ARHGAP31: variants seen among roughly 807,000 people sequenced by gnomAD.
ARHGAP31 encodes the protein Rho GTPase activating protein 31, also known as rho GTPase-activating protein 31.
ARHGAP31 carries 34 observed loss-of-function variants against 113.9 expected under a neutral mutation model. The observed-to-expected ratio is 0.30, with a 90% confidence interval of 0.23 to 0.40. The LOEUF is 0.40. Among genes scored for constraint, ARHGAP31 ranks in the 10% least tolerant of loss-of-function variants. ARHGAP31 has a pLI of 1.00. For synonymous variants in ARHGAP31, 650 were observed against 684.8 expected, an observed-to-expected ratio of 0.95 and a Z score of 0.79; for missense variants, 1,548 against 1,767.1, an observed-to-expected ratio of 0.88 and a Z score of 2.22.
intron 10 of ARHGAP31, among the ~76,000 whole-genome samples, chr3:119,408,985 T>A (rs2080690203): frequency 6.6e-6 from 1 of 152,156 alleles, no homozygotes; most frequent in African/African-American, 2.4e-5. Flanking sequence ...CTAGATAGAC[T>A]TCTCGAAGTC....
In ARHGAP31 at chr3:119,417,871, C is replaced by T. The variant is rs2080791982; in HGVS notation, c.*1607C>T. On this transcript the variant is annotated 3_prime_UTR_variant, in exon 12 of 12. Coordinates refer to ENST00000264245, the MANE Select transcript of ARHGAP31 (RefSeq NM_020754.4). ...AGCCTGGCTGAATTCTGCCCAGAAG[C>T]TCAGTCATTGCAGAAATTTCTCTAA... is the stretch of plus-strand genomic sequence containing the variant. The T allele has an allele frequency of 6.6e-6, 1 of 152,104 alleles. No homozygotes were observed. The highest frequency in any genetic ancestry group is 2.1e-4 in the South Asian group (1 of 4,828). 9.4% of individuals were successfully genotyped at this position (152,104 alleles called of 1,614,324 possible). A position where few individuals can be genotyped will look rare whatever the true frequency, so the allele number is the denominator to read the frequency against.
chr3:119,338,250 T>C (rs1392827377), intron 1 of ARHGAP31, among the ~76,000 whole-genome samples: 1 of 152,204 alleles, frequency 6.6e-6, no homozygotes, highest in East Asian at 1.9e-4. Context: ...GGGTGTTACA[T>C]GGATGTTACT....
intron 10 of ARHGAP31, among the ~76,000 whole-genome samples, chr3:119,404,101 G>A (rs2080639558): frequency 6.6e-6 from 1 of 152,158 alleles, no homozygotes; most frequent in Admixed American, 6.5e-5. Context: ...ATGGGCTGGT[G>A]TGGGTCATGG....
In ARHGAP31 at chr3:119,361,998, C is replaced by T. The variant is rs187712385; in HGVS notation, c.101-3318C>T. Among the ~76,000 whole-genome samples the T allele has an allele frequency of 2.0e-5, 3 of 152,320 alleles. No individual in the cohort carries two copies. In the East Asian group the frequency reaches 5.8e-4, roughly 29 times the overall value. On this transcript the variant is annotated intron_variant, in intron 1 of 11. Transcript: ENST00000264245. ...AGGTTCTAAGGCCTTTGTACCAAAG[C>T]CAGAATAAATTTATGGCAGAGGCTC...
Position 119,380,906 on chromosome 3 carries a change from G to C in ARHGAP31, c.351G>C (p.Glu117Asp). The C allele has an allele frequency of 6.2e-7, 1 of 1,614,072 alleles. No homozygotes were observed. The highest frequency in any genetic ancestry group is 8.5e-7 in the Non-Finnish European group (1 of 1,179,944). ...LTYELYEKFTEAVSHCPEEGQ... is the reference protein window; with the variant it reads ...LTYELYEKFTDAVSHCPEEGQ... ...CTGCCTTGTGTTCTTCTCCACAGGA[G>C]GCAGTGTCGCATTGCCCTGAAGAAG... The change falls in exon 4 of 12, where the codon GAG (glutamate) becomes GAC (aspartate). Residue 117 changes from glutamate (E) to aspartate (D), a missense_variant and splice_region_variant. Glu to Asp is a conservative substitution (Grantham distance 45). Coordinates refer to ENST00000264245, the MANE Select transcript of ARHGAP31 (RefSeq NM_020754.4).
intron 4 of ARHGAP31, among the ~76,000 whole-genome samples, chr3:119,381,848 T>A (rs1034630081): frequency 1.3e-5 from 2 of 152,022 alleles, no homozygotes; most frequent in Non-Finnish European, 2.9e-5. Context: ...TAGCCGGGCG[T>A]GGTGGCGGGC....
intron 1 of ARHGAP31, among the ~76,000 whole-genome samples, chr3:119,332,392 G>GT (rs2079898953): frequency 1.3e-5 from 2 of 151,836 alleles, no homozygotes; most frequent in Non-Finnish European, 2.9e-5. Flanking sequence ...TAGAGATGAG[G>GT]TTTCATCATG....
chr3:119,400,823 C>G (rs2080597881), intron 9 of ARHGAP31, among the ~76,000 whole-genome samples: 2 of 152,192 alleles, frequency 1.3e-5, no homozygotes, highest in African/African-American at 2.4e-5. Flanking sequence ...CGTATCATCT[C>G]CAAGCTTATT....
At chr3:119,407,827 G>A (rs1208601034) in intron 10 of ARHGAP31, among the ~76,000 whole-genome samples, 5 of 152,210 alleles carry the variant, frequency 3.3e-5, no homozygotes, top group Non-Finnish European at 7.3e-5. Context: ...GGGCCAGCAA[G>A]AAGGGGCCTT....
chr3:119,297,827 G>A (rs2079545889), intron 1 of ARHGAP31, among the ~76,000 whole-genome samples: 1 of 151,950 alleles, frequency 6.6e-6, no homozygotes, highest in Non-Finnish European at 1.5e-5. Context: ...TAGGTGTTCA[G>A]CTTAGGGCAG....
At chr3:119,351,212 TCAAGAATCTCATACGTGTAGATTAGGG>T (rs1477552408) in intron 1 of ARHGAP31, among the ~76,000 whole-genome samples, 1 of 152,196 alleles carries the variant, frequency 6.6e-6, no homozygotes, top group Non-Finnish European at 1.5e-5. Flanking sequence ...TCCTAAAAGG[TCAAGAATCTCATACGTGTAGATTAGGG>T]CAAGAATCCA....
chr3:119,336,514 C>G (rs1241601066), intron 1 of ARHGAP31, among the ~76,000 whole-genome samples: 4 of 152,034 alleles, frequency 2.6e-5, no homozygotes, highest in South Asian at 2.1e-4. Flanking sequence ...ACAATAAAAC[C>G]AAGAGTGGGT....
chr3:119,317,248 A>G (rs891204521), intron 1 of ARHGAP31, among the ~76,000 whole-genome samples: 16 of 150,232 alleles, frequency 1.1e-4, no homozygotes, highest in African/African-American at 3.4e-4. Context: ...GCGCGATCTC[A>G]GCTCACTGCA....
intron 1 of ARHGAP31, among the ~76,000 whole-genome samples, chr3:119,329,046 T>C (rs74858867): frequency 0.019 from 2,933 of 152,334 alleles, 40 homozygotes; most frequent in East Asian, 0.058. Flanking sequence ...AAATCACCTA[T>C]GTTGGAACCT....
At chr3:119,359,300 C>T (rs1577011346) in intron 1 of ARHGAP31, among the ~76,000 whole-genome samples, 1 of 151,946 alleles carries the variant, frequency 6.6e-6, no homozygotes, top group East Asian at 1.9e-4. Context: ...TTATAGGCAG[C>T]CTGAGCCACT....
chr3:119,360,946 C>T (rs1169046874), intron 1 of ARHGAP31, among the ~76,000 whole-genome samples: 4 of 152,206 alleles, frequency 2.6e-5, no homozygotes, highest in Non-Finnish European at 4.4e-5. Context: ...ACAGAATGAG[C>T]TCTGTGACTC....
At chr3:119,332,649 A>T (rs1042201789) in intron 1 of ARHGAP31, among the ~76,000 whole-genome samples, 36 of 144,506 alleles carry the variant, frequency 2.5e-4, no homozygotes, top group African/African-American at 7.1e-4. Flanking sequence ...ACACACACAC[A>T]CACACACACA....
At position 119,380,996 on chromosome 3, in the gene ARHGAP31, G is replaced by T; in HGVS notation, c.431+10G>T. 6.2e-7 allele frequency: 1 copy of T among 1,612,784 alleles called. No individual in the cohort carries two copies. Among genetic ancestry groups the T allele is most frequent in the Non-Finnish European group, 8.5e-7 (1 of 1,178,760 alleles). Reference sequence around the variant, plus strand: ...CTCCATCCCACTATAGGTAAGAATGGTTGGGAAAAGAAACGTGTGGCCTCT... The same window carrying T: ...CTCCATCCCACTATAGGTAAGAATGTTTGGGAAAAGAAACGTGTGGCCTCT... On this transcript the variant is annotated intron_variant, in intron 4 of 11. Coordinates refer to ENST00000264245, the MANE Select transcript of ARHGAP31 (RefSeq NM_020754.4).
At chr3:119,297,676 C>T (rs1031674343) in intron 1 of ARHGAP31, among the ~76,000 whole-genome samples, 10 of 152,104 alleles carry the variant, frequency 6.6e-5, no homozygotes, top group African/African-American at 9.7e-5. Context: ...AACATGGGGA[C>T]GCCACATGCT....
Sources: gnomAD v4.1 joint callset for allele counts (sites outside exome capture counted in the v4.1 genomes callset) on GRCh38, gnomAD v4.1.1 for gene constraint, MANE v1.5 for transcripts, NCBI Gene and HGNC (gene_info 2026-07-23, HGNC 2026-07-21) for gene names.